The following ERN2 variants were observed in gnomAD, a reference collection of about 807,000 sequenced individuals.
The protein encoded by ERN2 is endoplasmic reticulum to nucleus signaling 2.
ERN2 carries 111 observed loss-of-function variants against 107.9 expected under a neutral mutation model. The ratio of observed to expected loss-of-function variants is 1.03; its 90% CI spans 0.88 to 1.20. The LOEUF (loss-of-function observed/expected upper bound fraction) is 1.20. Among genes scored for constraint, ERN2 ranks in the 50% most tolerant of loss-of-function variants. The pLI, the probability that ERN2 is intolerant of heterozygous loss-of-function variation, is 0.00. For missense variants in ERN2, 1,225 were observed against 1,197.9 expected (o/e 1.02, Z -0.33); for synonymous variants, 524 against 501.7 (o/e 1.04, Z -0.59).
chr16:23,702,094 T>A, intron 11 of ERN2, 58 bp downstream of exon 11: 1 of 1,555,138 alleles, frequency 6.4e-7, no homozygotes, highest in Non-Finnish European at 8.7e-7. Flanking sequence ...ATCCAAGGGC[T>A]ATTCCCCCCA....
chr16:23,706,371 C>A lies in ERN2; in HGVS notation c.548G>T (p.Arg183Leu). The change falls in exon 7 of 22, where the codon CGC becomes CTC. Residue 183 changes from arginine (R) to leucine (L), a missense_variant. Coordinates refer to ENST00000256797, the MANE Select transcript of ERN2 (RefSeq NM_033266.4). The part of the protein sequence containing the change: ...APALRWNTTY[R>L]RYSAPPMDGS... ...ATCCATGGGGGGCGCTGAGTAGCGG[C>A]GGTAGGTGGTGTTCCAGCGCAGGGC... is the stretch of plus-strand genomic sequence containing the variant. 2 of 1,566,150 alleles carry A rather than the reference C, an allele frequency of 1.3e-6. No individual in the cohort carries two copies. Among genetic ancestry groups the A allele is most frequent in the Non-Finnish European group, 1.7e-6 (2 of 1,156,934 alleles).
In ERN2 at chr16:23,701,136, C is replaced by A. The variant is rs201747928; in HGVS notation, c.1204-22G>T. 591 of 1,606,920 alleles carry A rather than the reference C, an allele frequency of 3.7e-4. 6 individuals are homozygous for A. The South Asian group carries it at 6.2e-3, about 17-fold the overall frequency. On this transcript the variant is annotated intron_variant, in intron 11 of 21. Coordinates refer to ENST00000256797, the MANE Select transcript of ERN2 (RefSeq NM_033266.4). ...ATAGCTGGGGATAAAGGGCCCTTCA[C>A]TTTTAGCACCCCCTTCCACCAGGGA...
At chr16:23,694,624 A>G (rs140276912) in intron 17 of ERN2, 104 bp downstream of exon 17, 105 of 956,122 alleles carry the variant, frequency 1.1e-4, no homozygotes, top group South Asian at 8.6e-5. Flanking sequence ...TCAAAGTCAC[A>G]CAGCAAGTGT....
At position 23,700,555 on chromosome 16, in the gene ERN2, T is replaced by G. The variant is rs1401111782; in HGVS notation, c.1509A>C (p.Pro503=). ...CAGGCTCACCTTCAGGGTCGTCGAG[T>G]GGCTGGGCTTGCTTTGAGGGACTCT... ...RLQSPSKQAQ[P]LDDPEAEQLT... is the part of the protein sequence containing the mutation. The change falls in exon 13 of 22, where the codon CCA becomes CCC. Residue 503 remains proline (P), a synonymous_variant. Transcript: ENST00000256797. 7.4e-6 allele frequency: 12 copies of G among 1,612,906 alleles called. No homozygotes were observed. Among genetic ancestry groups the G allele is most frequent in the Non-Finnish European group, 8.5e-6 (10 of 1,179,448 alleles).
intron 5 of ERN2, 58 bp downstream of exon 5, chr16:23,706,949 C>T: frequency 6.3e-7 from 1 of 1,586,166 alleles, no homozygotes; most frequent in Non-Finnish European, 8.7e-7. Flanking sequence ...GCCGTCACGA[C>T]TTAGATCCCT....
chr16:23,691,737 T>A (rs1171458723), intron 19 of ERN2, among the ~76,000 whole-genome samples: 2 of 152,132 alleles, frequency 1.3e-5, no homozygotes, highest in East Asian at 3.9e-4. Flanking sequence ...TATATTCCCA[T>A]ACAAAGGGCA....
Position 23,700,536 on chromosome 16 carries a change from C to A in ERN2, c.1525+3G>T. The A allele has an allele frequency of 1.2e-6, 2 of 1,608,678 alleles. No individual in the cohort carries two copies. Among genetic ancestry groups the A allele is most frequent in the Non-Finnish European group, 1.7e-6 (2 of 1,177,614 alleles). Reference sequence around the variant, plus strand: ...CTGCCCTGTCTTGTTCACACAGGCTCACCTTCAGGGTCGTCGAGTGGCTGG... The same window carrying A: ...CTGCCCTGTCTTGTTCACACAGGCTAACCTTCAGGGTCGTCGAGTGGCTGG... On this transcript the variant is annotated splice_donor_region_variant and intron_variant, in intron 13 of 21. Coordinates refer to ENST00000256797, the MANE Select transcript of ERN2 (RefSeq NM_033266.4).
At chr16:23,707,840 A>G (rs1249916982) in intron 4 of ERN2, among the ~76,000 whole-genome samples, 1 of 152,230 alleles carries the variant, frequency 6.6e-6, no homozygotes, top group Non-Finnish European at 1.5e-5. Context: ...TGAGAGACTC[A>G]CAGAAGTGAA....
intron 10 of ERN2, 33 bp downstream of exon 10, chr16:23,702,357 C>T: frequency 6.2e-7 from 1 of 1,610,922 alleles, no homozygotes; most frequent in South Asian, 1.1e-5. Flanking sequence ...TCTTTATCTT[C>T]ATCTACTCCC....
In ERN2 at chr16:23,705,137, G is replaced by A. The variant is rs1159450463; in HGVS notation, c.600C>T (p.His200=). ...GCAGGCCCATCCCGCAGGACGCCAG[G>A]TGGCTCATGTCTGCCGAGAAAGGTG... The part of the protein sequence containing the change: ...MDGSPGKYMS[H]LASCGMGLLL... Residue 200 remains histidine, a synonymous_variant, in exon 8 of 22, where the codon CAC becomes CAT. Coordinates refer to ENST00000256797, the MANE Select transcript of ERN2 (RefSeq NM_033266.4). 3 of 1,611,858 alleles carry A rather than the reference G, an allele frequency of 1.9e-6. No homozygotes were observed. In the South Asian group the frequency reaches 3.3e-5, roughly 18 times the overall value.
chr16:23,706,290 A>T, intron 7 of ERN2, 40 bp downstream of exon 7: 1 of 1,367,530 alleles, frequency 7.3e-7, no homozygotes, highest in South Asian at 1.5e-5. Context: ...TGGGTTGGGG[A>T]CCTTGCTCCA....
chr16:23,701,421 C>T (rs1292614630), intron 11 of ERN2, among the ~76,000 whole-genome samples: 2 of 152,166 alleles, frequency 1.3e-5, no homozygotes, highest in African/African-American at 4.8e-5. Context: ...GAGTGGGCTC[C>T]CAGGTGATTC....
At chr16:23,694,607 G>A in intron 17 of ERN2, 121 bp downstream of exon 17, 1 of 802,132 alleles carries the variant, frequency 1.2e-6, no homozygotes, top group South Asian at 1.8e-5. Flanking sequence ...AAGCTTGGAG[G>A]AGCAGCTCAA....
intron 4 of ERN2, chr16:23,707,289 G>C (rs574874522): frequency 5.2e-6 from 3 of 574,154 alleles, no homozygotes; most frequent in Non-Finnish European, 6.3e-6. Context: ...AACCCAGGCA[G>C]TCAGGCTCCA....
intron 4 of ERN2, chr16:23,709,165 G>C (rs1433185961): frequency 2.2e-6 from 1 of 455,442 alleles, no homozygotes; most frequent in Non-Finnish European, 4.4e-6. Flanking sequence ...GTGTGGTGGT[G>C]TGTACCTGTA....
At position 23,713,080 on chromosome 16, in the gene ERN2, G is replaced by C. The variant is rs1218131257; in HGVS notation, c.93+15C>G. On this transcript the variant is annotated intron_variant, in intron 1 of 21. Transcript: ENST00000256797. ...ACCAGACTTTGGGGACTTGGCGTCGGTCCCTGGCTCTCACCTGTGGACTCA... is the reference window on the plus strand; with the variant it reads ...ACCAGACTTTGGGGACTTGGCGTCGCTCCCTGGCTCTCACCTGTGGACTCA... 5 of 1,537,610 alleles carry C rather than the reference G, an allele frequency of 3.3e-6. No individual in the cohort carries two copies. In the South Asian group the frequency reaches 4.9e-5, roughly 15 times the overall value.
rs1280422598 is a variant in ERN2 at position 23,699,094 on chromosome 16, C to T, written c.1525+1445G>A. Among the ~76,000 whole-genome samples the T allele has an allele frequency of 2.0e-5, 3 of 152,190 alleles. No individual in the cohort carries two copies. The East Asian group carries it at 5.8e-4, about 29-fold the overall frequency. Reference sequence around the variant, plus strand: ...TACAGTGGGGTGAGTATTACTTGGACCCACCCAGGGCCAGTAAAATGACAA... The same window carrying T: ...TACAGTGGGGTGAGTATTACTTGGATCCACCCAGGGCCAGTAAAATGACAA... On this transcript the variant is annotated intron_variant, in intron 13 of 21. Coordinates refer to ENST00000256797, the MANE Select transcript of ERN2 (RefSeq NM_033266.4).
intron 4 of ERN2, among the ~76,000 whole-genome samples, chr16:23,708,717 T>C (rs1960423769): frequency 6.6e-6 from 1 of 152,206 alleles, no homozygotes; most frequent in African/African-American, 2.4e-5. Flanking sequence ...GGGTGGCACC[T>C]CCTCCCTTTC....
Position 23,692,194 on chromosome 16 carries a change from T to C in ERN2, c.2238A>G (p.Glu746=), listed in dbSNP as rs781308212. ...TGAPCLAHLE[E]EVHDKVVARD... ...CCAGGGCTCCCTCACCGTGGACCTC[T>C]TCCTCCAGGTGAGCCAGACAGGGAG... The change falls in exon 18 of 22, where the codon GAA becomes GAG. Residue 746 remains glutamate (E), a synonymous_variant. Coordinates refer to ENST00000256797, the MANE Select transcript of ERN2 (RefSeq NM_033266.4). The C allele has an allele frequency of 2.5e-6, 4 of 1,614,114 alleles. No homozygotes were observed. The highest frequency in any genetic ancestry group is 1.1e-5 in the South Asian group (1 of 91,082).
Sources: gnomAD v4.1 joint callset for allele counts (sites outside exome capture counted in the v4.1 genomes callset) on GRCh38, gnomAD v4.1.1 for gene constraint, MANE v1.5 for transcripts, NCBI Gene and HGNC (gene_info 2026-07-23, HGNC 2026-07-21) for gene names.